The following NXPE4 variants were observed in gnomAD, a reference collection of about 807,000 sequenced individuals.
NXPE4 encodes the protein neurexophilin and PC-esterase domain family member 4.
In NXPE4, 42 loss-of-function variants were observed where a neutral mutation model predicts 33.3. The ratio of observed to expected loss-of-function variants is 1.26; its 90% CI spans 0.98 to 1.63. The LOEUF (loss-of-function observed/expected upper bound fraction) is 1.63. NXPE4 is among the 40% of genes most tolerant of loss of function. The pLI is 0.00. For synonymous variants in NXPE4, 253 were observed against 234.9 expected (o/e 1.08, Z -0.71); for missense variants, 709 against 647.6 (o/e 1.09, Z -1.03).
the NXPE4 span, among the ~76,000 whole-genome samples, chr11:114,671,661 G>A: frequency 0.85 from 129,408 of 151,968 alleles, 56,102 homozygotes; most frequent in East Asian, 0.92. Context: ...GAAAAAAATA[G>A]AATAAGCCTG....
chr11:114,676,740 C>T, the NXPE4 span, among the ~76,000 whole-genome samples: 2 of 152,036 alleles, frequency 1.3e-5, no homozygotes, highest in African/African-American at 4.8e-5. Flanking sequence ...TATGATCCAG[C>T]AATCCCGCTA....
the NXPE4 span, among the ~76,000 whole-genome samples, chr11:114,667,660 C>T: frequency 5.3e-5 from 8 of 152,228 alleles, no homozygotes; most frequent in Non-Finnish European, 8.8e-5. Flanking sequence ...GTACGCTCAA[C>T]AGTCCATGGA....
At chr11:114,610,662 A>T in the NXPE4 span, among the ~76,000 whole-genome samples, 6 of 151,892 alleles carry the variant, frequency 4.0e-5, no homozygotes, top group African/African-American at 7.3e-5. Context: ...TAACCGGTGG[A>T]TAATACATGT....
chr11:114,625,771 A>T, the NXPE4 span, among the ~76,000 whole-genome samples: 1 of 152,164 alleles, frequency 6.6e-6, no homozygotes, highest in Non-Finnish European at 1.5e-5. Context: ...TACCAGGTTC[A>T]TCTCATTAGG....
At chr11:114,603,101 T>G in the NXPE4 span, among the ~76,000 whole-genome samples, 1 of 151,854 alleles carries the variant, frequency 6.6e-6, no homozygotes, top group Non-Finnish European at 1.5e-5. Context: ...ATTATTGTCT[T>G]GTCTCATAGG....
chr11:114,658,230 C>T, the NXPE4 span, among the ~76,000 whole-genome samples: 1 of 152,182 alleles, frequency 6.6e-6, no homozygotes, highest in South Asian at 2.1e-4. Context: ...AACACAAATA[C>T]TGACTCACTT....
chr11:114,643,549 C>A, the NXPE4 span, among the ~76,000 whole-genome samples: 1 of 152,002 alleles, frequency 6.6e-6, no homozygotes, highest in Non-Finnish European at 1.5e-5. Flanking sequence ...TCAGGTTTGT[C>A]AAAGATCAGA....
At chr11:114,593,799 A>G (rs1018874612) in intron 2 of NXPE4, among the ~76,000 whole-genome samples, 1 of 152,146 alleles carries the variant, frequency 6.6e-6, no homozygotes, top group Admixed American at 6.5e-5. Context: ...ACAAATACAT[A>G]AAGAAAATAT....
At chr11:114,619,218 C>G in the NXPE4 span, among the ~76,000 whole-genome samples, 10 of 151,486 alleles carry the variant, frequency 6.6e-5, no homozygotes, top group Admixed American at 3.3e-4. Context: ...TCTAGGGTAA[C>G]CACTCTTACC....
At chr11:114,593,518 A>G (rs964394244) in intron 2 of NXPE4, among the ~76,000 whole-genome samples, 1 of 152,142 alleles carries the variant, frequency 6.6e-6, no homozygotes, top group Non-Finnish European at 1.5e-5. Flanking sequence ...CAAAAGACAG[A>G]TAGTAACATA....
chr11:114,580,158 A>T lies in NXPE4; in HGVS notation c.1073T>A (p.Met358Lys). The change falls in exon 5 of 6, where the codon ATG becomes AAG. Residue 358 changes from methionine to lysine, a missense_variant. Transcript: ENST00000375478. ...GTTGATACTGGCTTTGAAGTATTCC[A>T]TCCACTGGCGGATCGTGGAATCTCC... is the stretch of plus-strand genomic sequence containing the variant. ...LMGDSTIRQWMEYFKASINTL... is the reference protein window; with the variant it reads ...LMGDSTIRQWKEYFKASINTL... 6.2e-7 allele frequency: 1 copy of T among 1,613,988 alleles called. No homozygotes were observed. Among genetic ancestry groups the T allele is most frequent in the South Asian group, 1.1e-5 (1 of 91,078 alleles).
chr11:114,632,468 A>G, the NXPE4 span, among the ~76,000 whole-genome samples: 1 of 128,562 alleles, frequency 7.8e-6, no homozygotes, highest in African/African-American at 2.9e-5. Context: ...TATACATTAT[A>G]TATACTATAT....
chr11:114,606,770 C>T, the NXPE4 span, among the ~76,000 whole-genome samples: 3 of 151,780 alleles, frequency 2.0e-5, no homozygotes, highest in Admixed American at 1.3e-4. Flanking sequence ...CAGGGGTAAC[C>T]ACTATTATCC....
At chr11:114,572,448 C>T (rs905428368) in intron 5 of NXPE4, among the ~76,000 whole-genome samples, 2 of 151,722 alleles carry the variant, frequency 1.3e-5, no homozygotes, top group African/African-American at 4.8e-5. Context: ...AGGTGAAGTC[C>T]AACTTAAATT....
At position 114,582,439 on chromosome 11, in the gene NXPE4, C is replaced by A. The variant is rs1440479481; in HGVS notation, c.679G>T (p.Ala227Ser). The change falls in exon 3 of 6, where the codon GCT becomes TCT. Residue 227 changes from alanine (A) to serine (S), a missense_variant. Transcript: ENST00000375478. ...TTGTCCAGGTACTGGCACAATTCAG[C>A]ATTTGTGTTTAGGATCAGGCCACAT... Reference protein sequence around the residue: ...SECGLILNTNAELCQYLDNRD... With the variant: ...SECGLILNTNSELCQYLDNRD... 1.9e-6 allele frequency: 3 copies of A among 1,614,162 alleles called. No homozygotes were observed. The highest frequency in any genetic ancestry group is 2.2e-5 in the South Asian group (2 of 91,084).
the NXPE4 span, among the ~76,000 whole-genome samples, chr11:114,609,254 T>C: frequency 6.6e-6 from 1 of 151,768 alleles, no homozygotes; most frequent in Non-Finnish European, 1.5e-5. Flanking sequence ...ACCCAGTGGT[T>C]AATAAGTATT....
chr11:114,629,283 C>G, the NXPE4 span, among the ~76,000 whole-genome samples: 3 of 152,138 alleles, frequency 2.0e-5, no homozygotes, highest in African/African-American at 7.2e-5. Context: ...AAAATACTGG[C>G]AAACGGAATC....
the NXPE4 span, among the ~76,000 whole-genome samples, chr11:114,626,142 A>G: frequency 1.3e-5 from 2 of 152,136 alleles, no homozygotes; most frequent in African/African-American, 4.8e-5. Context: ...TAAACAAAGC[A>G]GCCGGGAAGC....
the NXPE4 span, among the ~76,000 whole-genome samples, chr11:114,644,580 T>C: frequency 1.3e-5 from 2 of 152,156 alleles, no homozygotes; most frequent in Non-Finnish European, 2.9e-5. Context: ...TAAAATAAGA[T>C]ATAAAATATT....
Sources: allele counts gnomAD v4.1 joint callset (sites outside exome capture counted in the v4.1 genomes callset), GRCh38; gene constraint gnomAD v4.1.1; transcripts MANE v1.5; gene names NCBI Gene and HGNC (gene_info 2026-07-23, HGNC 2026-07-21).